CADM1: variants seen among roughly 807,000 people sequenced by gnomAD.
The protein encoded by CADM1 is cell adhesion molecule 1.
CADM1 carries 15 observed loss-of-function variants against 53.1 expected under a neutral mutation model. That is an observed-to-expected ratio of 0.28 (90% CI 0.19 to 0.44). The LOEUF (loss-of-function observed/expected upper bound fraction) is 0.44, where lower values mean the gene tolerates loss of function less well. Ranked by LOEUF, CADM1 falls within the 20% of genes least tolerant of loss-of-function variation. CADM1 has a pLI of 1.00. For missense variants in CADM1, 434 were observed against 611.3 expected, an observed-to-expected ratio of 0.71 and a Z score of 3.06; for synonymous variants, 281 against 243.0, an observed-to-expected ratio of 1.16 and a Z score of -1.45.
chr11:115,247,933 T>C (rs1942459882), intron 1 of CADM1, among the ~76,000 whole-genome samples: 1 of 152,154 alleles, frequency 6.6e-6, no homozygotes, highest in Non-Finnish European at 1.5e-5. Flanking sequence ...TTATGTAAAT[T>C]AGGAAAAAAG....
chr11:115,204,699 G>C (rs1338577656), intron 8 of CADM1, among the ~76,000 whole-genome samples: 1 of 152,184 alleles, frequency 6.6e-6, no homozygotes, highest in African/African-American at 2.4e-5. Flanking sequence ...CTAAAAACAT[G>C]TGTTCTGGTG....
intron 1 of CADM1, among the ~76,000 whole-genome samples, chr11:115,286,400 C>CACCTATTA (rs923734687): frequency 6.6e-6 from 1 of 152,144 alleles, no homozygotes; most frequent in Non-Finnish European, 1.5e-5. Flanking sequence ...GGCCAGGAAA[C>CACCTATTA]ACCTATTAGC....
At chr11:115,193,343 T>C (rs1471698203) in intron 9 of CADM1, among the ~76,000 whole-genome samples, 1 of 152,212 alleles carries the variant, frequency 6.6e-6, no homozygotes, top group African/African-American at 2.4e-5. Flanking sequence ...GTTAAACAAA[T>C]GAAAGTTTAC....
At chr11:115,190,846 A>C in intron 10 of CADM1, 42 bp downstream of exon 10, 1 of 1,525,856 alleles carries the variant, frequency 6.6e-7, no homozygotes, top group Non-Finnish European at 8.9e-7. Context: ...GAGCACCCAC[A>C]GGTTGGACAC....
chr11:115,287,982 T>C (rs1037642132), intron 1 of CADM1, among the ~76,000 whole-genome samples: 2 of 151,884 alleles, frequency 1.3e-5, no homozygotes, highest in African/African-American at 2.4e-5. Flanking sequence ...TTTAGGAGAG[T>C]TGGGGCAGTG....
At chr11:115,443,896 T>C (rs1414059270) in intron 1 of CADM1, among the ~76,000 whole-genome samples, 1 of 152,202 alleles carries the variant, frequency 6.6e-6, no homozygotes, top group Non-Finnish European at 1.5e-5. Context: ...GAGCACGACT[T>C]TTGGGGATAC....
At chr11:115,234,893 C>CAA (rs57197514) in intron 3 of CADM1, among the ~76,000 whole-genome samples, 980 of 75,312 alleles carry the variant, frequency 0.013, 34 homozygotes, top group South Asian at 0.038. Flanking sequence ...ACTCCGTCTC[C>CAA]AAAAAAAAAA....
intron 1 of CADM1, among the ~76,000 whole-genome samples, chr11:115,340,644 ATATATATATATATATTTT>A (rs1484042290): frequency 6.1e-5 from 2 of 32,780 alleles, no homozygotes; most frequent in South Asian, 1.1e-3. Context: ...ATATATATAT[ATATATATATATATATTTT>A]TTTTTTTTTT....
rs1947578620 is a variant in CADM1 at position 115,415,732 on chromosome 11, G to A, written c.124+88539C>T. Among the ~76,000 whole-genome samples the A allele has an allele frequency of 2.7e-5, 4 of 148,170 alleles. No homozygotes were observed. The South Asian group carries it at 8.6e-4, about 32-fold the overall frequency. Reference sequence around the variant, plus strand: ...GCACCTGTAGTTCCAGCTACTCAAGGGGCTGAGGCAGGAGAATCACTTGAA... The same window carrying A: ...GCACCTGTAGTTCCAGCTACTCAAGAGGCTGAGGCAGGAGAATCACTTGAA... On this transcript the variant is annotated intron_variant, in intron 1 of 11. Coordinates refer to ENST00000331581, the MANE Select transcript of CADM1 (RefSeq NM_001301043.2).
intron 1 of CADM1, among the ~76,000 whole-genome samples, chr11:115,430,561 A>G (rs1227807978): frequency 6.6e-6 from 1 of 152,242 alleles, no homozygotes; most frequent in Non-Finnish European, 1.5e-5. Context: ...GAATCAGGCT[A>G]AGTAAAAAAC....
At chr11:115,415,349 A>G (rs1208198396) in intron 1 of CADM1, among the ~76,000 whole-genome samples, 1 of 152,146 alleles carries the variant, frequency 6.6e-6, no homozygotes, top group African/African-American at 2.4e-5. Flanking sequence ...AGTGGTCATC[A>G]TTCATATATT....
chr11:115,423,942 G>A (rs1044824470), intron 1 of CADM1, among the ~76,000 whole-genome samples: 2 of 152,158 alleles, frequency 1.3e-5, no homozygotes, highest in Non-Finnish European at 2.9e-5. Context: ...TATACTGACA[G>A]GTAAGCTTCA....
chr11:115,452,884 G>A (rs1181230608), intron 1 of CADM1, among the ~76,000 whole-genome samples: 1 of 152,148 alleles, frequency 6.6e-6, no homozygotes, highest in Non-Finnish European at 1.5e-5. Flanking sequence ...GAGAAAGGGT[G>A]GGAGTGATTG....
intron 1 of CADM1, among the ~76,000 whole-genome samples, chr11:115,286,033 C>T (rs1381939903): frequency 1.3e-5 from 2 of 152,196 alleles, no homozygotes; most frequent in Non-Finnish European, 2.9e-5. Flanking sequence ...AGGCCACAGA[C>T]ACCTGTCAAT....
chr11:115,502,547 T>C (rs1949751991), intron 1 of CADM1, among the ~76,000 whole-genome samples: 1 of 151,942 alleles, frequency 6.6e-6, no homozygotes, highest in Non-Finnish European at 1.5e-5. Flanking sequence ...CGGCATCGGC[T>C]GAACCCAATT....
At chr11:115,236,727 G>C (rs1479878959) in intron 3 of CADM1, among the ~76,000 whole-genome samples, 2 of 151,870 alleles carry the variant, frequency 1.3e-5, no homozygotes, top group African/African-American at 4.8e-5. Context: ...GAAAACAAAA[G>C]ATGTGTGCCT....
intron 7 of CADM1, among the ~76,000 whole-genome samples, chr11:115,212,461 T>C (rs1314214218): frequency 1.3e-5 from 2 of 152,186 alleles, no homozygotes; most frequent in Non-Finnish European, 2.9e-5. Flanking sequence ...ATAGGTAGTA[T>C]ATTACAGATC....
intron 1 of CADM1, 94 bp downstream of exon 1, chr11:115,504,177 G>A (rs545575732): frequency 2.0e-6 from 3 of 1,519,710 alleles, no homozygotes; most frequent in East Asian, 2.5e-5. Flanking sequence ...GAAGTGGGGG[G>A]AGGTTGTCAT....
At chr11:115,460,420 T>C (rs1324950636) in intron 1 of CADM1, among the ~76,000 whole-genome samples, 1 of 152,146 alleles carries the variant, frequency 6.6e-6, no homozygotes, top group Non-Finnish European at 1.5e-5. Flanking sequence ...TACACACAGC[T>C]TTACTAGCTT....
Sources: allele counts gnomAD v4.1 joint callset (sites outside exome capture counted in the v4.1 genomes callset), GRCh38; gene constraint gnomAD v4.1.1; transcripts MANE v1.5; gene names NCBI Gene and HGNC (gene_info 2026-07-23, HGNC 2026-07-21).